The following MTUS2 variants were observed in gnomAD, a reference collection of about 807,000 sequenced individuals.
MTUS2 encodes the protein microtubule-associated tumor suppressor candidate 2.
MTUS2 carries 40 observed loss-of-function variants against 114.1 expected under a neutral mutation model. The ratio of observed to expected loss-of-function variants is 0.35; its 90% CI spans 0.27 to 0.46. The LOEUF is 0.46. Ranked by LOEUF, MTUS2 falls within the 20% of genes least tolerant of loss-of-function variation. The probability of loss-of-function intolerance (pLI) is 1.00; values close to 1 mark genes in which losing one functional copy is unlikely to be tolerated. For missense variants in MTUS2, 1,679 were observed against 1,705.4 expected (o/e 0.98, Z 0.27); for synonymous variants, 688 against 672.0 (o/e 1.02, Z -0.37).
At chr13:29,198,954 A>G (rs1049164147) in intron 5 of MTUS2, among the ~76,000 whole-genome samples, 23 of 152,006 alleles carry the variant, frequency 1.5e-4, no homozygotes, top group African/African-American at 5.1e-4. Context: ...TTATCAGCTT[A>G]AGGATATTTG....
At chr13:29,295,742 C>CT (rs1898912611) in intron 6 of MTUS2, among the ~76,000 whole-genome samples, 1 of 152,312 alleles carries the variant, frequency 6.6e-6, no homozygotes, top group South Asian at 2.1e-4. Context: ...CAACAGTTCC[C>CT]CATGGCTGGG....
chr13:29,018,369 A>C (rs1886154517), intron 2 of MTUS2, among the ~76,000 whole-genome samples: 2 of 152,216 alleles, frequency 1.3e-5, no homozygotes, highest in African/African-American at 2.4e-5. Context: ...AATGCCTTTC[A>C]TGCTGTATTG....
chr13:28,915,267 A>G (rs1205902253), intron 2 of MTUS2, among the ~76,000 whole-genome samples: 1 of 151,982 alleles, frequency 6.6e-6, no homozygotes, highest in African/African-American at 2.4e-5. Context: ...AGGAGTGCAG[A>G]TAGCTCTTCA....
intron 2 of MTUS2, among the ~76,000 whole-genome samples, chr13:28,918,355 C>G (rs972789602): frequency 5.9e-5 from 9 of 151,904 alleles, no homozygotes; most frequent in Admixed American, 4.6e-4. Context: ...TCTGGGTGCT[C>G]TATCACTGGG....
chr13:28,845,829 C>T (rs1875841178), intron 2 of MTUS2, among the ~76,000 whole-genome samples: 1 of 151,732 alleles, frequency 6.6e-6, no homozygotes, highest in Admixed American at 6.6e-5. Flanking sequence ...TTACAGTTTC[C>T]TTACCTTAAA....
chr13:28,856,249 C>T (rs1161465), intron 2 of MTUS2, among the ~76,000 whole-genome samples: 98,512 of 152,134 alleles, frequency 0.65, 35,142 homozygotes, highest in Non-Finnish European at 0.79. Context: ...TTGAAGACTG[C>T]TGCCTTGCAA....
chr13:29,082,599 C>A (rs542421171), intron 4 of MTUS2, among the ~76,000 whole-genome samples: 1 of 152,130 alleles, frequency 6.6e-6, no homozygotes, highest in Non-Finnish European at 1.5e-5. Context: ...ATAGAATATG[C>A]GAGAGGGCCC....
intron 2 of MTUS2, among the ~76,000 whole-genome samples, chr13:29,019,291 A>T (rs985512580): frequency 1.3e-5 from 2 of 152,100 alleles, no homozygotes; most frequent in African/African-American, 4.8e-5. Context: ...GCGGGATCAC[A>T]TCCTTTTGGC....
intron 5 of MTUS2, among the ~76,000 whole-genome samples, chr13:29,244,627 T>C (rs1896844143): frequency 1.3e-5 from 2 of 152,108 alleles, no homozygotes; most frequent in South Asian, 4.1e-4. Context: ...GGTGCAGTGC[T>C]TGACTGTGGT....
At chr13:29,401,295 T>C (rs1874324141) in intron 8 of MTUS2, among the ~76,000 whole-genome samples, 1 of 152,186 alleles carries the variant, frequency 6.6e-6, no homozygotes. Context: ...TGAGCCACCA[T>C]GCCCGGCCAC....
intron 5 of MTUS2, among the ~76,000 whole-genome samples, chr13:29,175,897 G>C (rs1893752230): frequency 6.6e-6 from 1 of 151,780 alleles, no homozygotes; most frequent in South Asian, 2.1e-4. Context: ...AAGTACAACT[G>C]TAACAGAGAC....
intron 5 of MTUS2, among the ~76,000 whole-genome samples, chr13:29,212,321 A>T (rs1370144236): frequency 1.4e-5 from 2 of 145,376 alleles, no homozygotes; most frequent in African/African-American, 2.7e-5. Flanking sequence ...TTGGATGATT[A>T]AAAAAAAACC....
chr13:29,465,492 A>C (rs17073454), intron 9 of MTUS2, among the ~76,000 whole-genome samples: 3,448 of 152,286 alleles, frequency 0.023, 118 homozygotes, highest in African/African-American at 0.074. Context: ...TAACGCATTT[A>C]ACACCAGGTA....
intron 4 of MTUS2, among the ~76,000 whole-genome samples, chr13:29,076,594 A>G (rs1232430343): frequency 6.6e-6 from 1 of 152,208 alleles, no homozygotes; most frequent in East Asian, 1.9e-4. Context: ...GGCTGTTGGC[A>G]GGCCTCAGTT....
rs1388731386 is a variant in MTUS2, at chr13:29,210,735, G to A, written c.2645-70969G>A. On this transcript the variant is annotated intron_variant, in intron 5 of 15. Coordinates refer to ENST00000612955, the MANE Select transcript of MTUS2 (RefSeq NM_001033602.4). The stretch of plus-strand genomic sequence containing the variant: ...ACCTAGCTGAGCTACCAGGCTCCAG[G>A]CTGGTACTAGGGAGTTTCTGCAAAG... Among the ~76,000 whole-genome samples, 2 of 152,168 alleles carry A rather than the reference G, an allele frequency of 1.3e-5. 1 individual carries two copies. The highest frequency in any genetic ancestry group is 2.9e-5 in the Non-Finnish European group (2 of 68,036).
At chr13:29,419,560 A>G (rs761064015) in intron 8 of MTUS2, among the ~76,000 whole-genome samples, 6 of 152,210 alleles carry the variant, frequency 3.9e-5, no homozygotes, top group Non-Finnish European at 8.8e-5. Context: ...GGGCCTTCCC[A>G]CATGTCTCCA....
intron 2 of MTUS2, among the ~76,000 whole-genome samples, chr13:28,840,302 CA>C (rs1277424054): frequency 1.3e-5 from 2 of 152,238 alleles, no homozygotes; most frequent in African/African-American, 4.8e-5. Flanking sequence ...AACGTGAATG[CA>C]GTGCAAACAG....
chr13:28,857,372 C>CA (rs1219558765), intron 2 of MTUS2, among the ~76,000 whole-genome samples: 1 of 152,136 alleles, frequency 6.6e-6, no homozygotes, highest in African/African-American at 2.4e-5. Flanking sequence ...GATCAGAGAT[C>CA]AGTCTTTAGG....
intron 3 of MTUS2, among the ~76,000 whole-genome samples, chr13:29,029,160 T>A (rs185479018): frequency 6.6e-6 from 1 of 152,330 alleles, no homozygotes; most frequent in East Asian, 1.9e-4. Flanking sequence ...ACTCTGGGCC[T>A]GCCAACAGGC....
Sources: gnomAD v4.1 joint callset for allele counts (sites outside exome capture counted in the v4.1 genomes callset) on GRCh38, gnomAD v4.1.1 for gene constraint, MANE v1.5 for transcripts, NCBI Gene and HGNC (gene_info 2026-07-23, HGNC 2026-07-21) for gene names.